Variants in AZIN1 observed in about 807,000 individuals in gnomAD.
AZIN1 encodes the protein antizyme inhibitor 1.
AZIN1 carries 12 observed loss-of-function variants against 47.4 expected under a neutral mutation model. The observed-to-expected ratio is 0.25, with a 90% CI of 0.16 to 0.41. AZIN1 has a LOEUF of 0.41. Ranked by LOEUF, AZIN1 falls within the 10% of genes least tolerant of loss-of-function variation. The pLI is 1.00. For synonymous variants in AZIN1, 155 were observed against 176.3 expected (o/e 0.88, Z 0.96); for missense variants, 410 against 532.4 (o/e 0.77, Z 2.26).
At chr8:102,835,725 T>C (rs12546636) in intron 6 of AZIN1, among the ~76,000 whole-genome samples, 11,517 of 152,280 alleles carry the variant, frequency 0.076, 731 homozygotes, top group Admixed American at 0.21. Flanking sequence ...CTTTTTACTT[T>C]AGTAAAAGTA....
Position 102,843,687 on chromosome 8 carries a change from C to A in AZIN1, c.-35G>T, listed in dbSNP as rs1035380661. On this transcript the variant is annotated 5_prime_UTR_variant, in exon 3 of 12. Coordinates refer to ENST00000337198, the MANE Select transcript of AZIN1 (RefSeq NM_148174.4). ...ATTCCACAAAGCCGAAAGTCATAAA[C>A]CAGGAAAGACAAGAGACGGGCCACC... 5.6e-6 allele frequency: 9 copies of A among 1,612,672 alleles called. No individual in the cohort carries two copies. Among genetic ancestry groups the A allele is most frequent in the Non-Finnish European group, 7.6e-6 (9 of 1,179,462 alleles).
chr8:102,841,332 A>G (rs988816398), intron 3 of AZIN1, among the ~76,000 whole-genome samples: 1 of 152,232 alleles, frequency 6.6e-6, no homozygotes, highest in Non-Finnish European at 1.5e-5. Flanking sequence ...CCAGAGCCAG[A>G]AAAGAATGGG....
chr8:102,841,774 T>C (rs983209914), intron 3 of AZIN1, among the ~76,000 whole-genome samples: 41 of 146,828 alleles, frequency 2.8e-4, no homozygotes, highest in African/African-American at 1.0e-3. Context: ...TAAAGAAAGA[T>C]TGTATCAGTT....
Position 102,834,272 on chromosome 8 carries a change from G to GT in AZIN1, c.667-10_667-9insA. 6.3e-7 allele frequency: 1 copy of GT among 1,599,222 alleles called. No homozygotes were observed. ...GTAAAGCCAATTTCTCCCTAGAGAT[G>GT]GAAAAAAAAAATTTAAATGTTTTTC... On this transcript the variant is annotated splice_polypyrimidine_tract_variant and intron_variant, in intron 7 of 11. Coordinates refer to ENST00000337198, the MANE Select transcript of AZIN1 (RefSeq NM_148174.4).
intron 3 of AZIN1, among the ~76,000 whole-genome samples, chr8:102,840,102 C>T (rs143043564): frequency 5.8e-4 from 88 of 152,260 alleles, no homozygotes; most frequent in African/African-American, 2.0e-3. Context: ...TTATCAATTA[C>T]AGTGACAAAA....
Position 102,836,542 on chromosome 8 carries a change from C to T in AZIN1, c.450-152G>A. On this transcript the variant is annotated intron_variant, in intron 5 of 11. Coordinates refer to ENST00000337198, the MANE Select transcript of AZIN1 (RefSeq NM_148174.4). The stretch of plus-strand genomic sequence containing the variant: ...CAAGTGAACCTAATGAAAAACAATC[C>T]TGTATAGAGAAAAAACTAGCAATTA... 1.3e-6 allele frequency: 1 copy of T among 787,126 alleles called. No homozygotes were observed. Among genetic ancestry groups the T allele is most frequent in the Middle Eastern group, 2.9e-4 (1 of 3,454 alleles). The allele number at this position is 787,126 out of a possible 1,614,324, so 48.8% of individuals were successfully genotyped here.
chr8:102,840,722 A>C (rs1812126102), intron 3 of AZIN1, among the ~76,000 whole-genome samples: 1 of 152,238 alleles, frequency 6.6e-6, no homozygotes, highest in Non-Finnish European at 1.5e-5. Context: ...AAAAAATCTT[A>C]TTTAGGACGT....
chr8:102,829,853 C>CA lies in AZIN1; in HGVS notation c.987dup (p.Glu330Ter). On this transcript the variant is annotated frameshift_variant, in exon 10 of 12. Coordinates refer to ENST00000337198, the MANE Select transcript of AZIN1 (RefSeq NM_148174.4). LOFTEE classifies it high-confidence loss of function. ...ACCTCTGGAATGGTATTTAAGTCCTCAGACAGTTTACTTGCAAAAGAACCA... is the reference window on the plus strand; with the variant it reads ...ACCTCTGGAATGGTATTTAAGTCCTCAAGACAGTTTACTTGCAAAAGAACCA... 1 of 1,613,106 alleles carries CA rather than the reference C, an allele frequency of 6.2e-7. No homozygotes were observed. Among genetic ancestry groups the CA allele is most frequent in the Non-Finnish European group, 8.5e-7 (1 of 1,179,600 alleles).
intron 9 of AZIN1, among the ~76,000 whole-genome samples, chr8:102,830,618 T>TGGA (rs1339049353): frequency 6.7e-6 from 1 of 148,200 alleles, no homozygotes; most frequent in Non-Finnish European, 1.5e-5. Flanking sequence ...CATTCCAGCC[T>TGGA]GGATAACAGA....
At chr8:102,834,815 C>CTTTTAAGTTATTTTGAT in intron 6 of AZIN1, 68 bp from the exon 7 acceptor site, 1 of 1,022,594 alleles carries the variant, frequency 9.8e-7, no homozygotes, top group East Asian at 2.4e-5. Context: ...TAATTTCTTT[C>CTTTTAAGTTATTTTGAT]AACTGTCACT....
At chr8:102,837,734 T>C (rs1563534863) in intron 5 of AZIN1, among the ~76,000 whole-genome samples, 1 of 152,232 alleles carries the variant, frequency 6.6e-6, no homozygotes, top group Non-Finnish European at 1.5e-5. Context: ...CAGGATATCT[T>C]AAGTACACCA....
At position 102,828,636 on chromosome 8, in the gene AZIN1, C is replaced by T; in HGVS notation, c.1278G>A (p.Met426Ile). 6.2e-7 allele frequency: 1 copy of T among 1,611,478 alleles called. No homozygotes were observed. Among genetic ancestry groups the T allele is most frequent in the Non-Finnish European group, 8.5e-7 (1 of 1,178,042 alleles). ...QDAGITSDSM[M>I]KNFFFVPSCI... ...AAGAAGGCACAAAGAAGAAGTTCTT[C>T]ATCATTGAGTCTGAAGTAATTCCAG... The change falls in exon 12 of 12, where the codon ATG becomes ATA. Residue 426 changes from methionine (M) to isoleucine (I), a missense_variant. Around this residue, in one of 3 missense-constraint regions of AZIN1, gnomAD observed 168 missense variants for 198.3 expected, o/e 0.85. Transcript: ENST00000337198.
At chr8:102,849,009 A>G (rs898910377) in intron 2 of AZIN1, among the ~76,000 whole-genome samples, 2 of 152,102 alleles carry the variant, frequency 1.3e-5, no homozygotes, top group African/African-American at 4.8e-5. Context: ...ATCTACCTCA[A>G]TCTTCAACAC....
rs535779618 is a variant in AZIN1 at position 102,833,891 on chromosome 8, T to A, written c.741+298A>T. ...CAGCCTGGGCAACACAGGAAGACTT[T>A]AAAAAAAAAAAAAAAAAGGTAGTAG... is the stretch of plus-strand genomic sequence containing the variant. On this transcript the variant is annotated intron_variant, in intron 8 of 11. Transcript: ENST00000337198. Among the ~76,000 whole-genome samples the A allele has an allele frequency of 3.5e-3, 444 of 126,542 alleles. 4 individuals carry two copies. Among genetic ancestry groups the A allele is most frequent in the African/African-American group, 0.012 (402 of 34,776 alleles). The allele number at this position is 126,542 out of a possible 152,430, so 83.0% of individuals were successfully genotyped here.
chr8:102,841,433 C>T (rs909630748), intron 3 of AZIN1, among the ~76,000 whole-genome samples: 2 of 151,966 alleles, frequency 1.3e-5, no homozygotes, highest in Admixed American at 6.6e-5. Flanking sequence ...ATCTGACCCC[C>T]GAAAAGTGTT....
intron 2 of AZIN1, 103 bp from the exon 3 acceptor site, chr8:102,843,850 C>A: frequency 2.6e-6 from 2 of 765,710 alleles, no homozygotes; most frequent in Non-Finnish European, 3.7e-6. Context: ...GGAATTTACG[C>A]AATTTTACAA....
In AZIN1 at chr8:102,848,509, A is replaced by G. The variant is rs912003740; in HGVS notation, c.-95-4762T>C. Among the ~76,000 whole-genome samples, 9 of 152,112 alleles carry G rather than the reference A, an allele frequency of 5.9e-5. 1 individual carries two copies. In the South Asian group the frequency reaches 1.9e-3, roughly 32 times the overall value. ...CTGTCTCTGCCTCTCTTAAGTGCTG[A>G]TATTACCAGTGTGAGCCACTATGCC... On this transcript the variant is annotated intron_variant, in intron 2 of 11. Coordinates refer to ENST00000337198, the MANE Select transcript of AZIN1 (RefSeq NM_148174.4).
In AZIN1 at chr8:102,829,360, T is replaced by G; in HGVS notation, c.1147A>C (p.Asn383His). Residue 383 changes from asparagine (N) to histidine (H), a missense_variant, in exon 11 of 12, where the codon AAC becomes CAC. Asn to His is a moderately conservative substitution (Grantham distance 68). This residue lies in a region of AZIN1 where 168 missense variants were observed against 198.3 expected (regional missense o/e 0.85). Transcript: ENST00000337198. Reference protein sequence around the residue: ...LNVGDWLIFDNMGADSFHEPS... With the variant: ...LNVGDWLIFDHMGADSFHEPS... ...TCATGGAAAGAATCTGCTCCCATGTTATCAAAGATAAGCCAATCTCCCACA... is the reference window on the plus strand; with the variant it reads ...TCATGGAAAGAATCTGCTCCCATGTGATCAAAGATAAGCCAATCTCCCACA... 1 of 1,614,054 alleles carries G rather than the reference T, an allele frequency of 6.2e-7. No individual in the cohort carries two copies. The highest frequency in any genetic ancestry group is 8.5e-7 in the Non-Finnish European group (1 of 1,179,934).
At chr8:102,829,633 G>C in intron 10 of AZIN1, 147 bp from the exon 11 acceptor site, 1 of 831,950 alleles carries the variant, frequency 1.2e-6, no homozygotes, top group Non-Finnish European at 1.9e-6. Context: ...CTTAAGCCTC[G>C]ATGGTACCAT....
Sources: gnomAD v4.1 joint callset for allele counts (sites outside exome capture counted in the v4.1 genomes callset) on GRCh38, gnomAD v4.1.1 for gene constraint, gnomAD v4.1.1 regional missense constraint, MANE v1.5 for transcripts, NCBI Gene and HGNC (gene_info 2026-07-23, HGNC 2026-07-21) for gene names.